The following EEF2K variants were observed in gnomAD, a reference collection of about 807,000 sequenced individuals.
EEF2K encodes the protein eukaryotic elongation factor 2 kinase.
In EEF2K, 70 loss-of-function variants were observed where a neutral mutation model predicts 93.8. The ratio of observed to expected loss-of-function variants is 0.75; its 90% CI spans 0.62 to 0.91. The LOEUF (loss-of-function observed/expected upper bound fraction) is 0.91, where lower values mean the gene tolerates loss of function less well. Ranked by LOEUF, EEF2K falls within the 40% of genes least tolerant of loss-of-function variation. The pLI, the probability that EEF2K is intolerant of heterozygous loss-of-function variation, is 0.00. For synonymous variants in EEF2K, 376 were observed against 380.8 expected, an observed-to-expected ratio of 0.99 and a Z score of 0.15; for missense variants, 935 against 972.9, an observed-to-expected ratio of 0.96 and a Z score of 0.52.
chr16:22,270,144 G>A (rs1477711994), intron 15 of EEF2K, among the ~76,000 whole-genome samples: 1 of 150,612 alleles, frequency 6.6e-6, no homozygotes, highest in African/African-American at 2.4e-5. Flanking sequence ...TTGAGATGAA[G>A]TCTTGCTCTT....
chr16:22,258,093 CTG>C (rs1451689148), intron 9 of EEF2K, among the ~76,000 whole-genome samples: 1 of 152,068 alleles, frequency 6.6e-6, no homozygotes, highest in Non-Finnish European at 1.5e-5. Flanking sequence ...TGACAAATGA[CTG>C]AACTAGTCTT....
chr16:22,278,311 A>G (rs1313751426), intron 16 of EEF2K, among the ~76,000 whole-genome samples: 2 of 152,186 alleles, frequency 1.3e-5, no homozygotes, highest in African/African-American at 2.4e-5. Context: ...CAGAACCATC[A>G]AAGCCCAATC....
intron 2 of EEF2K, among the ~76,000 whole-genome samples, chr16:22,236,091 T>C (rs1236753329): frequency 2.6e-5 from 4 of 152,128 alleles, no homozygotes; most frequent in African/African-American, 9.7e-5. Context: ...GCATGACCAC[T>C]GTGCCTGGTT....
intron 1 of EEF2K, among the ~76,000 whole-genome samples, chr16:22,209,456 C>T (rs1038392407): frequency 6.6e-6 from 1 of 152,146 alleles, no homozygotes; most frequent in African/African-American, 2.4e-5. Flanking sequence ...CAAGGGTGAA[C>T]AGCAGAAGCT....
intron 2 of EEF2K, among the ~76,000 whole-genome samples, chr16:22,231,931 A>G (rs2047119170): frequency 6.8e-6 from 1 of 146,470 alleles, no homozygotes; most frequent in South Asian, 2.3e-4. Flanking sequence ...CTGAGGTTGC[A>G]GTGAGCCAAG....
intron 1 of EEF2K, among the ~76,000 whole-genome samples, chr16:22,207,456 T>C (rs958408501): frequency 7.2e-5 from 11 of 152,190 alleles, no homozygotes; most frequent in African/African-American, 2.7e-4. Context: ...CTAGCTCATT[T>C]ATGCTCTCTG....
Position 22,246,295 on chromosome 16 carries a change from G to A in EEF2K, c.347+1565G>A, listed in dbSNP as rs561376430. 1.3e-3 allele frequency among the ~76,000 whole-genome samples: 197 copies of A among 152,198 alleles called. 1 individual carries two copies. Among genetic ancestry groups the A allele is most frequent in the African/African-American group, 3.9e-3 (160 of 41,530 alleles). ...CCAGCACTTTGGGAGGCCGAGGTGA[G>A]TGGATCACTTGAGGTCAGGAGTTCG... On this transcript the variant is annotated intron_variant, in intron 3 of 17. Transcript: ENST00000263026.
At chr16:22,256,682 C>G (rs2047402996) in intron 6 of EEF2K, 66 bp from the exon 7 acceptor site, 1 of 1,552,018 alleles carries the variant, frequency 6.4e-7, no homozygotes, top group Non-Finnish European at 8.7e-7. Context: ...TGAGCCCTCC[C>G]CTTGCCGCTT....
At chr16:22,250,573 T>C (rs2047339603) in intron 4 of EEF2K, 81 bp from the exon 5 acceptor site, 9 of 1,566,610 alleles carry the variant, frequency 5.7e-6, no homozygotes, top group Non-Finnish European at 7.9e-6. Context: ...ATAGGTGGCA[T>C]GTAAGGGGAG....
At chr16:22,209,066 T>C (rs150017040) in intron 1 of EEF2K, among the ~76,000 whole-genome samples, 182 of 152,330 alleles carry the variant, frequency 1.2e-3, no homozygotes, top group South Asian at 9.7e-3. Context: ...TCTTGCTCTG[T>C]TGCCCAGGCT....
At chr16:22,248,226 G>C (rs761519229) in intron 3 of EEF2K, among the ~76,000 whole-genome samples, 4 of 151,664 alleles carry the variant, frequency 2.6e-5, no homozygotes, top group Admixed American at 2.6e-4. Context: ...CACCATGCTC[G>C]GCTAATTTTT....
At position 22,273,640 on chromosome 16, in the gene EEF2K, C is replaced by T; in HGVS notation, c.1779C>T (p.Asn593=). The T allele has an allele frequency of 6.2e-7, 1 of 1,614,140 alleles. No individual in the cohort carries two copies. Among genetic ancestry groups the T allele is most frequent in the Non-Finnish European group, 8.5e-7 (1 of 1,180,018 alleles). ...ADVSLKETEE[N]KTKGFDYLLK... ...TGTATCAACAGGAGACAGAAGAGAA[C>T]AAAACCAAAGGATTTGATTACTTAC... The change falls in exon 16 of 18, where the codon AAC becomes AAT. Residue 593 remains asparagine, a synonymous_variant. Transcript: ENST00000263026.
intron 13 of EEF2K, among the ~76,000 whole-genome samples, chr16:22,265,789 T>G (rs1402406350): frequency 6.6e-6 from 1 of 152,152 alleles, no homozygotes; most frequent in Non-Finnish European, 1.5e-5. Context: ...AAATGATGTG[T>G]TTTTTAAACC....
At chr16:22,260,344 A>T in intron 10 of EEF2K, 118 bp from the exon 11 acceptor site, 2 of 960,196 alleles carry the variant, frequency 2.1e-6, no homozygotes, top group Non-Finnish European at 3.1e-6. Context: ...GCCTTTCTTT[A>T]AAGCTTAAAA....
intron 1 of EEF2K, among the ~76,000 whole-genome samples, chr16:22,219,437 C>G (rs571216093): frequency 5.9e-5 from 9 of 152,086 alleles, no homozygotes; most frequent in Non-Finnish European, 1.3e-4. Flanking sequence ...TCGAGACTAG[C>G]CTGGGCAACA....
At chr16:22,280,103 G>A (rs2047677640) in intron 16 of EEF2K, 95 bp from the exon 17 acceptor site, 1 of 1,301,026 alleles carries the variant, frequency 7.7e-7, no homozygotes, top group African/African-American at 1.5e-5. Context: ...TGGCCCTGCT[G>A]GGATCCCTGA....
chr16:22,257,423 C>A, intron 8 of EEF2K, 38 bp downstream of exon 8: 1 of 1,607,746 alleles, frequency 6.2e-7, no homozygotes, highest in Non-Finnish European at 8.5e-7. Context: ...GCAGAAACCA[C>A]GCTCCCTGCT....
intron 9 of EEF2K, 66 bp from the exon 10 acceptor site, chr16:22,258,428 C>G: frequency 6.5e-7 from 1 of 1,542,968 alleles, no homozygotes; most frequent in Non-Finnish European, 8.9e-7. Context: ...GAGGGAACAA[C>G]AGGAAGAGCC....
At chr16:22,215,799 C>T (rs959919805) in intron 1 of EEF2K, among the ~76,000 whole-genome samples, 1 of 152,112 alleles carries the variant, frequency 6.6e-6, no homozygotes, top group Non-Finnish European at 1.5e-5. Context: ...GTGGCGGGTG[C>T]CTGTAATCCC....
Sources: allele counts gnomAD v4.1 joint callset (sites outside exome capture counted in the v4.1 genomes callset), GRCh38; gene constraint gnomAD v4.1.1; transcripts MANE v1.5; gene names NCBI Gene and HGNC (gene_info 2026-07-23, HGNC 2026-07-21).